Variants in MICU3 observed in about 807,000 individuals in gnomAD.
MICU3 encodes the protein calcium uptake protein 3, mitochondrial.
In MICU3, 62 loss-of-function variants were observed where a neutral mutation model predicts 66.5. The observed-to-expected ratio is 0.93, with a 90% CI of 0.76 to 1.15. The LOEUF (loss-of-function observed/expected upper bound fraction) is 1.15. Among genes scored for constraint, MICU3 ranks in the 50% most tolerant of loss-of-function variants. MICU3 has a pLI of 0.00. For synonymous variants in MICU3, 308 were observed against 240.7 expected (o/e 1.28, Z -2.59); for missense variants, 779 against 664.4 (o/e 1.17, Z -1.90).
chr8:17,052,204 A>T (rs530841516), intron 1 of MICU3, among the ~76,000 whole-genome samples: 139 of 151,788 alleles, frequency 9.2e-4, no homozygotes, highest in African/African-American at 3.0e-3. Context: ...AGAGACTTAA[A>T]TTTTTTTTTG....
chr8:17,049,239 A>G (rs755721294), intron 1 of MICU3, among the ~76,000 whole-genome samples: 2 of 152,186 alleles, frequency 1.3e-5, no homozygotes, highest in Non-Finnish European at 2.9e-5. Context: ...GAAGGGTGGT[A>G]GAGCATGAGG....
chr8:17,051,726 G>A (rs1816118840), intron 1 of MICU3, among the ~76,000 whole-genome samples: 1 of 152,136 alleles, frequency 6.6e-6, no homozygotes, highest in Admixed American at 6.5e-5. Flanking sequence ...CAACAAGGAG[G>A]TCATTGATGA....
At position 17,087,008 on chromosome 8, in the gene MICU3, A is replaced by C. The variant is rs1799546108; in HGVS notation, c.822A>C (p.Lys274Asn). ...FRKKNEKREI[K>N]GDEEKRAMLR... ...AAAAAAATGAAAAGAGAGAAATTAA[A>C]GGAGATGAAGAAAAGCGTGCAATGC... The change falls in exon 7 of 15, where the codon AAA (lysine) becomes AAC (asparagine). Residue 274 changes from lysine (K) to asparagine (N), a missense_variant. Lys to Asn is a moderately conservative substitution (Grantham distance 94). Transcript: ENST00000318063. 3 of 1,607,702 alleles carry C rather than the reference A, an allele frequency of 1.9e-6. No individual in the cohort carries two copies. The highest frequency in any genetic ancestry group is 2.6e-6 in the Non-Finnish European group (3 of 1,175,340).
At chr8:17,038,533 T>G (rs1813456946) in intron 1 of MICU3, among the ~76,000 whole-genome samples, 1 of 152,180 alleles carries the variant, frequency 6.6e-6, no homozygotes, top group Non-Finnish European at 1.5e-5. Flanking sequence ...ATTAGCAGCA[T>G]GAGAACAGAC....
chr8:17,042,821 T>C (rs1814392600), intron 1 of MICU3, among the ~76,000 whole-genome samples: 1 of 152,172 alleles, frequency 6.6e-6, no homozygotes, highest in Non-Finnish European at 1.5e-5. Flanking sequence ...ATAAGGATGA[T>C]ATCTATCCAG....
Position 17,064,146 on chromosome 8 carries a change from A to G in MICU3, c.444A>G (p.Arg148=), listed in dbSNP as rs753415472. 6.2e-7 allele frequency: 1 copy of G among 1,613,052 alleles called. No homozygotes were observed. The highest frequency in any genetic ancestry group is 1.3e-5 in the African/African-American group (1 of 74,854). The change falls in exon 2 of 15, where the codon CGA becomes CGG. Residue 148 remains arginine, a synonymous_variant. Coordinates refer to ENST00000318063, the MANE Select transcript of MICU3 (RefSeq NM_181723.3). The part of the protein sequence containing the change: ...LDLYATSRER[R]FRLFASIECE... The stretch of plus-strand genomic sequence containing the variant: ...TTTATGCCACATCTCGGGAGAGGCG[A>G]TTTCGTTTATTTGCTTCTATAGAAT...
intron 7 of MICU3, among the ~76,000 whole-genome samples, chr8:17,088,060 A>G (rs932690490): frequency 2.0e-5 from 3 of 152,020 alleles, no homozygotes; most frequent in Admixed American, 1.3e-4. Context: ...ATTATTATCT[A>G]TAGCAGATGG....
intron 1 of MICU3, among the ~76,000 whole-genome samples, chr8:17,035,967 G>A (rs938325284): frequency 6.6e-6 from 1 of 152,164 alleles, no homozygotes; most frequent in South Asian, 2.1e-4. Flanking sequence ...GGAAAAAATG[G>A]TTTTATGGGC....
chr8:17,071,242 TTGAG>T (rs1819541504), intron 3 of MICU3, among the ~76,000 whole-genome samples: 1 of 151,994 alleles, frequency 6.6e-6, no homozygotes, highest in African/African-American at 2.4e-5. Context: ...ATATCACAGA[TTGAG>T]TGGGTTTAAC....
intron 1 of MICU3, among the ~76,000 whole-genome samples, chr8:17,059,829 A>G (rs1421377395): frequency 6.6e-6 from 1 of 152,204 alleles, no homozygotes; most frequent in Admixed American, 6.5e-5. Context: ...ACTTTATTAA[A>G]AGACATAGTT....
Position 17,098,423 on chromosome 8 carries a change from T to A in MICU3, c.889-35T>A, listed in dbSNP as rs748312612. 5.5e-6 allele frequency: 7 copies of A among 1,263,214 alleles called. No homozygotes were observed. The Admixed American group carries it at 1.2e-4, about 21-fold the overall frequency. The allele number at this position is 1,263,214 out of a possible 1,614,324, so 78.3% of individuals were successfully genotyped here. A position where few individuals can be genotyped will look rare whatever the true frequency, so the allele number is the denominator to read the frequency against. ...AATTATCATTCTTTGTAACTATTCT[T>A]TAGATTTCAGTTGTGCTTCTTAAAA... On this transcript the variant is annotated intron_variant, in intron 8 of 14. Coordinates refer to ENST00000318063, the MANE Select transcript of MICU3 (RefSeq NM_181723.3).
rs571367838 is a variant in MICU3 at position 17,105,459 on chromosome 8, T to A, written c.1132T>A (p.Ser378Thr). The A allele has an allele frequency of 2.5e-6, 4 of 1,574,168 alleles. No homozygotes were observed. The Admixed American group carries it at 5.6e-5, about 22-fold the overall frequency. Residue 378 changes from serine to threonine, a missense_variant, in exon 11 of 15, where the codon TCC (serine) becomes ACC (threonine). Ser to Thr is a moderately conservative substitution (Grantham distance 58). Coordinates refer to ENST00000318063, the MANE Select transcript of MICU3 (RefSeq NM_181723.3). ...AGAAGTTCTAGAAATAGAATTCCTT[T>A]CCTACTCAAATGGAATGAATACCAT... ...QTEVLEIEFL[S>T]YSNGMNTISE... is the part of the protein sequence containing the mutation.
intron 9 of MICU3, among the ~76,000 whole-genome samples, chr8:17,103,039 C>T (rs1184558454): frequency 1.3e-5 from 2 of 151,840 alleles, no homozygotes; most frequent in African/African-American, 4.8e-5. Context: ...GTACAGATGA[C>T]CCTACATGCT....
chr8:17,109,151 A>G (rs1009923262), intron 11 of MICU3, among the ~76,000 whole-genome samples: 3 of 151,928 alleles, frequency 2.0e-5, no homozygotes, highest in Non-Finnish European at 4.4e-5. Flanking sequence ...TCCTACCTTA[A>G]TCTGTTTTTA....
At chr8:17,073,570 G>C (rs1184113137) in intron 3 of MICU3, among the ~76,000 whole-genome samples, 1 of 152,146 alleles carries the variant, frequency 6.6e-6, no homozygotes, top group Non-Finnish European at 1.5e-5. Flanking sequence ...AATAGAAATA[G>C]AGTGCACAAT....
intron 5 of MICU3, among the ~76,000 whole-genome samples, chr8:17,083,843 A>G (rs1178843080): frequency 6.6e-6 from 1 of 152,050 alleles, no homozygotes; most frequent in East Asian, 1.9e-4. Flanking sequence ...GATGGATCCG[A>G]TATTAGAAGT....
intron 1 of MICU3, among the ~76,000 whole-genome samples, chr8:17,033,010 C>G (rs1812355789): frequency 6.6e-6 from 1 of 152,174 alleles, no homozygotes; most frequent in Non-Finnish European, 1.5e-5. Flanking sequence ...GTAGTTTCCT[C>G]CATGAACCAG....
intron 1 of MICU3, among the ~76,000 whole-genome samples, chr8:17,055,561 C>A (rs569988814): frequency 1.3e-5 from 2 of 152,212 alleles, no homozygotes; most frequent in Non-Finnish European, 2.9e-5. Flanking sequence ...GACTTAAGTT[C>A]TCTTCAGTTG....
intron 6 of MICU3, among the ~76,000 whole-genome samples, chr8:17,086,005 A>G (rs4922258): frequency 0.13 from 19,238 of 152,058 alleles, 1,616 homozygotes; most frequent in Admixed American, 0.21. Flanking sequence ...AATACTATTA[A>G]TGTATTCCTT....
Sources: gnomAD v4.1 joint callset for allele counts (sites outside exome capture counted in the v4.1 genomes callset) on GRCh38, gnomAD v4.1.1 for gene constraint, MANE v1.5 for transcripts, NCBI Gene and HGNC (gene_info 2026-07-23, HGNC 2026-07-21) for gene names.